HSD17B2: variants seen among roughly 807,000 people sequenced by gnomAD.
HSD17B2 encodes the protein 17-beta-hydroxysteroid dehydrogenase type 2.
In HSD17B2, 32 loss-of-function variants were observed where a neutral mutation model predicts 26.9. The ratio of observed to expected loss-of-function variants is 1.19; its 90% confidence interval spans 0.90 to 1.60. The LOEUF (loss-of-function observed/expected upper bound fraction) is 1.60. Ranked by LOEUF, HSD17B2 falls within the 40% of genes most tolerant of loss-of-function variation. The probability of loss-of-function intolerance (pLI) is 0.00; values close to 1 mark genes in which losing one functional copy is unlikely to be tolerated. For synonymous variants in HSD17B2, 246 were observed against 186.7 expected (o/e 1.32, Z -2.59); for missense variants, 613 against 468.6 (o/e 1.31, Z -2.85).
At chr16:82,054,167 G>C (rs938351792) in intron 1 of HSD17B2, among the ~76,000 whole-genome samples, 1 of 145,340 alleles carries the variant, frequency 6.9e-6, no homozygotes, top group African/African-American at 2.6e-5. Context: ...AAACATGTAA[G>C]AGCCCTTTCT....
At chr16:82,054,139 T>G (rs7201778) in intron 1 of HSD17B2, among the ~76,000 whole-genome samples, 2,238 of 151,886 alleles carry the variant, frequency 0.015, 69 homozygotes, top group African/African-American at 0.052. Flanking sequence ...CTCTCATTCT[T>G]TACTCTGTTA....
At chr16:82,052,044 C>T (rs536166029) in intron 1 of HSD17B2, among the ~76,000 whole-genome samples, 3 of 152,350 alleles carry the variant, frequency 2.0e-5, no homozygotes, top group African/African-American at 7.2e-5. Context: ...ACAGAGCCAA[C>T]CACATCATAG....
At chr16:82,076,868 C>T (rs1904305285) in intron 3 of HSD17B2, among the ~76,000 whole-genome samples, 1 of 152,016 alleles carries the variant, frequency 6.6e-6, no homozygotes, top group Non-Finnish European at 1.5e-5. Context: ...ATTAGTATGC[C>T]AATAGCAAAC....
intron 4 of HSD17B2, chr16:82,096,033 A>T (rs575121881): frequency 1.5e-4 from 23 of 152,260 alleles, no homozygotes; most frequent in Non-Finnish European, 3.2e-4. Flanking sequence ...TTTTAAAGTA[A>T]ATAAATTATT....
intron 3 of HSD17B2, among the ~76,000 whole-genome samples, chr16:82,078,163 G>C (rs910155458): frequency 6.6e-6 from 1 of 152,074 alleles, no homozygotes; most frequent in Non-Finnish European, 1.5e-5. Flanking sequence ...GAAAATATAA[G>C]GAGCTCAAAC....
At chr16:82,079,622 CA>C (rs1904330233) in intron 3 of HSD17B2, among the ~76,000 whole-genome samples, 1 of 152,070 alleles carries the variant, frequency 6.6e-6, no homozygotes, top group Non-Finnish European at 1.5e-5. Context: ...CAATTCAGTC[CA>C]TAACACTGTA....
intron 2 of HSD17B2, among the ~76,000 whole-genome samples, chr16:82,068,685 C>A (rs1384662608): frequency 6.6e-6 from 1 of 152,186 alleles, no homozygotes; most frequent in Non-Finnish European, 1.5e-5. Context: ...TCCGCAATAG[C>A]AACATGCATT....
chr16:82,067,690 G>A (rs1228465377), intron 1 of HSD17B2, among the ~76,000 whole-genome samples: 3 of 152,162 alleles, frequency 2.0e-5, no homozygotes, highest in African/African-American at 7.2e-5. Flanking sequence ...AGCATGAACT[G>A]GCCCCCATGG....
rs974818858 is a variant in HSD17B2 at position 82,098,067 on chromosome 16, C to T, written c.803-8C>T. On this transcript the variant is annotated splice_region_variant and splice_polypyrimidine_tract_variant and intron_variant, in intron 4 of 4. Transcript: ENST00000199936. Reference sequence around the variant, plus strand: ...AGGATCTGACTCTTCCCTTTCCTTTCACCCCAGATATCGCAGGCACCAGTG... The same window carrying T: ...AGGATCTGACTCTTCCCTTTCCTTTTACCCCAGATATCGCAGGCACCAGTG... 1.2e-5 allele frequency: 20 copies of T among 1,602,434 alleles called. No homozygotes were observed. The highest frequency in any genetic ancestry group is 1.7e-5 in the Non-Finnish European group (20 of 1,173,442).
intron 1 of HSD17B2, among the ~76,000 whole-genome samples, chr16:82,041,010 C>A (rs1237619856): frequency 1.3e-5 from 2 of 152,178 alleles, no homozygotes; most frequent in East Asian, 3.8e-4. Flanking sequence ...TAAGTTTTAC[C>A]TTTACCTACT....
chr16:82,036,221 T>C (rs1283317402), intron 1 of HSD17B2, among the ~76,000 whole-genome samples: 2 of 152,148 alleles, frequency 1.3e-5, no homozygotes, highest in African/African-American at 4.8e-5. Flanking sequence ...CTGTCTGAAC[T>C]GTTCCTCATT....
chr16:82,089,319 G>A (rs1345455547), intron 3 of HSD17B2, among the ~76,000 whole-genome samples: 3 of 152,174 alleles, frequency 2.0e-5, no homozygotes, highest in Non-Finnish European at 2.9e-5. Context: ...TTATGGCTGA[G>A]TTGTGTTCCA....
chr16:82,046,814 C>A lies in HSD17B2; in HGVS notation c.265+11125C>A, dbSNP rs8191069. On this transcript the variant is annotated intron_variant, in intron 1 of 4. Coordinates refer to ENST00000199936, the MANE Select transcript of HSD17B2 (RefSeq NM_002153.3). ...GGTTTTTATTATTAACCCCACTCAACGATGAAGAAATTGAGGTTTTTCAAG... is the reference window on the plus strand; with the variant it reads ...GGTTTTTATTATTAACCCCACTCAAAGATGAAGAAATTGAGGTTTTTCAAG... Among the ~76,000 whole-genome samples the A allele has an allele frequency of 3.3e-5, 5 of 152,132 alleles. No homozygotes were observed. The East Asian group carries it at 9.6e-4, about 29-fold the overall frequency.
intron 1 of HSD17B2, among the ~76,000 whole-genome samples, chr16:82,052,659 ATCTC>A (rs1252185815): frequency 6.6e-6 from 1 of 152,132 alleles, no homozygotes; most frequent in Non-Finnish European, 1.5e-5. Flanking sequence ...GGTCTTGCCC[ATCTC>A]TCTATTTTTT....
intron 3 of HSD17B2, among the ~76,000 whole-genome samples, chr16:82,077,723 C>T (rs997537757): frequency 1.4e-5 from 2 of 146,770 alleles, no homozygotes; most frequent in African/African-American, 5.1e-5. Context: ...AGAGTGAGAC[C>T]CTGTTTCAAA....
chr16:82,047,904 G>A (rs569476059), intron 1 of HSD17B2, among the ~76,000 whole-genome samples: 1 of 152,226 alleles, frequency 6.6e-6, no homozygotes, highest in Non-Finnish European at 1.5e-5. Context: ...AAGGAATGTA[G>A]AGAATGATTC....
intron 1 of HSD17B2, among the ~76,000 whole-genome samples, chr16:82,041,469 C>T (rs1913763959): frequency 6.6e-6 from 1 of 152,164 alleles, no homozygotes; most frequent in Non-Finnish European, 1.5e-5. Flanking sequence ...TGTTGGCTTG[C>T]CCTGGACAAG....
intron 4 of HSD17B2, chr16:82,092,145 G>C (rs1904712977): frequency 1.3e-5 from 2 of 152,172 alleles, no homozygotes; most frequent in Non-Finnish European, 2.9e-5. Flanking sequence ...AAAAGTTTGA[G>C]CAGATAGTCA....
chr16:82,066,346 A>C (rs1693590950), intron 1 of HSD17B2, among the ~76,000 whole-genome samples: 1 of 152,204 alleles, frequency 6.6e-6, no homozygotes, highest in Non-Finnish European at 1.5e-5. Flanking sequence ...CGTTCATCTC[A>C]TAATGGTGGT....
Sources: gnomAD v4.1 joint callset for allele counts (sites outside exome capture counted in the v4.1 genomes callset) on GRCh38, gnomAD v4.1.1 for gene constraint, MANE v1.5 for transcripts, NCBI Gene and HGNC (gene_info 2026-07-23, HGNC 2026-07-21) for gene names.